ARHGAP24: variants seen among roughly 807,000 people sequenced by gnomAD.
ARHGAP24 encodes the protein Rho GTPase activating protein 24, also known as rho GTPase-activating protein 24.
Under a neutral mutation model 76.4 loss-of-function variants are expected in ARHGAP24, and 50 were observed. The observed-to-expected ratio is 0.65, with a 90% CI of 0.52 to 0.83. ARHGAP24 has a LOEUF of 0.83. ARHGAP24 is among the 40% of genes least tolerant of loss of function. The pLI, the probability that ARHGAP24 is intolerant of heterozygous loss-of-function variation, is 0.00. For missense variants in ARHGAP24, 930 were observed against 914.2 expected, an observed-to-expected ratio of 1.02 and a Z score of -0.22; for synonymous variants, 345 against 323.3, an observed-to-expected ratio of 1.07 and a Z score of -0.72.
At chr4:85,756,139 A>G (rs1578200642) in intron 3 of ARHGAP24, among the ~76,000 whole-genome samples, 1 of 152,214 alleles carries the variant, frequency 6.6e-6, no homozygotes, top group Admixed American at 6.5e-5. Context: ...CGTTGAGGAT[A>G]CATATCTTAC....
intron 3 of ARHGAP24, among the ~76,000 whole-genome samples, chr4:85,755,481 C>T (rs768010670): frequency 1.3e-5 from 2 of 152,062 alleles, no homozygotes; most frequent in South Asian, 4.1e-4. Flanking sequence ...GATTTCACAA[C>T]CCCAAATTCT....
chr4:85,885,742 G>A (rs1733530981), intron 3 of ARHGAP24, among the ~76,000 whole-genome samples: 1 of 152,004 alleles, frequency 6.6e-6, no homozygotes, highest in Non-Finnish European at 1.5e-5. Context: ...AAATGACATG[G>A]CAAACTAAAA....
In ARHGAP24 at chr4:85,603,009, C is replaced by T. The variant is rs1720082634; in HGVS notation, c.180+32288C>T. Among the ~76,000 whole-genome samples the T allele has an allele frequency of 2.0e-5, 3 of 151,898 alleles. No individual in the cohort carries two copies. In the South Asian group the frequency reaches 6.2e-4, roughly 32 times the overall value. Reference sequence around the variant, plus strand: ...ATCTTTCAAGCTAATAAAAATGCACCCTCAGTAACATGAGCAAAATGCTGC... The same window carrying T: ...ATCTTTCAAGCTAATAAAAATGCACTCTCAGTAACATGAGCAAAATGCTGC... On this transcript the variant is annotated intron_variant, in intron 2 of 9. Transcript: ENST00000395184.
chr4:85,593,460 A>T (rs960910114), intron 2 of ARHGAP24, among the ~76,000 whole-genome samples: 2 of 152,086 alleles, frequency 1.3e-5, no homozygotes, highest in African/African-American at 2.4e-5. Context: ...TTTCAACTTG[A>T]TGTGACCCCA....
At chr4:85,477,261 A>G (rs1160303736) in intron 1 of ARHGAP24, among the ~76,000 whole-genome samples, 4 of 152,194 alleles carry the variant, frequency 2.6e-5, no homozygotes, top group Non-Finnish European at 4.4e-5. Flanking sequence ...GCTTTCAACT[A>G]TATTACTTGG....
intron 3 of ARHGAP24, among the ~76,000 whole-genome samples, chr4:85,823,809 T>C (rs2110126639): frequency 6.6e-6 from 1 of 152,190 alleles, no homozygotes; most frequent in South Asian, 2.1e-4. Flanking sequence ...GTTCCTTCCT[T>C]CCTTCCTGCC....
chr4:85,761,495 G>A lies in ARHGAP24; in HGVS notation c.268+39523G>A, dbSNP rs569668687. On this transcript the variant is annotated intron_variant, in intron 3 of 9. Transcript: ENST00000395184. ...TATTGATTCCTCCAAGCTGGAAGTA[G>A]CGATCAAGAGAAGGGGAAAGATAAA... 1.2e-4 allele frequency among the ~76,000 whole-genome samples: 18 copies of A among 152,270 alleles called. No individual in the cohort carries two copies. In the South Asian group the frequency reaches 3.7e-3, roughly 32 times the overall value.
intron 2 of ARHGAP24, among the ~76,000 whole-genome samples, chr4:85,718,947 A>G (rs1724830763): frequency 6.6e-6 from 1 of 152,202 alleles, no homozygotes; most frequent in Admixed American, 6.5e-5. Flanking sequence ...TATATGGCAC[A>G]TGTACAATTC....
intron 9 of ARHGAP24, among the ~76,000 whole-genome samples, chr4:85,998,546 C>T (rs928452463): frequency 3.3e-5 from 5 of 152,064 alleles, no homozygotes; most frequent in Non-Finnish European, 7.4e-5. Flanking sequence ...CCCACCTTCT[C>T]AATTTTCTCT....
chr4:85,676,867 A>G (rs998307242), intron 2 of ARHGAP24, among the ~76,000 whole-genome samples: 66 of 152,200 alleles, frequency 4.3e-4, no homozygotes, highest in African/African-American at 1.2e-3. Flanking sequence ...ATGGTAAGGA[A>G]AGGATTCCCA....
chr4:85,964,273 G>A (rs140610336), intron 5 of ARHGAP24, among the ~76,000 whole-genome samples: 27 of 152,074 alleles, frequency 1.8e-4, no homozygotes, highest in African/African-American at 6.5e-4. Context: ...TTGTGTAAAT[G>A]GTGAGGCCAT....
intron 3 of ARHGAP24, among the ~76,000 whole-genome samples, chr4:85,845,573 C>A (rs1161848820): frequency 6.6e-6 from 1 of 152,140 alleles, no homozygotes; most frequent in East Asian, 1.9e-4. Context: ...TTTTTCCCTG[C>A]CTTTTATATT....
At chr4:85,495,702 T>C (rs56354932) in intron 1 of ARHGAP24, among the ~76,000 whole-genome samples, 2,745 of 152,100 alleles carry the variant, frequency 0.018, 74 homozygotes, top group African/African-American at 0.062. Flanking sequence ...TGAGGGGAGA[T>C]TGACTACTAG....
At chr4:85,551,253 A>G (rs1383153851) in intron 1 of ARHGAP24, among the ~76,000 whole-genome samples, 3 of 152,140 alleles carry the variant, frequency 2.0e-5, no homozygotes, top group Non-Finnish European at 2.9e-5. Context: ...GTTGAATTTT[A>G]TCAAAAGCCT....
intron 1 of ARHGAP24, among the ~76,000 whole-genome samples, chr4:85,499,321 A>C (rs2110098125): frequency 6.6e-6 from 1 of 152,348 alleles, no homozygotes; most frequent in Admixed American, 6.5e-5. Flanking sequence ...TTTTATAAAC[A>C]ATCTCTCTAT....
intron 2 of ARHGAP24, among the ~76,000 whole-genome samples, chr4:85,676,077 GATGGTAAGTTTTCATTGC>G (rs1195113221): frequency 6.6e-6 from 1 of 152,134 alleles, no homozygotes; most frequent in Non-Finnish European, 1.5e-5. Flanking sequence ...TGATAAAATT[GATGGTAAGTTTTCATTGC>G]ATAATTTGAT....
intron 8 of ARHGAP24, among the ~76,000 whole-genome samples, chr4:85,985,875 C>G (rs1184811291): frequency 1.3e-5 from 2 of 152,198 alleles, no homozygotes; most frequent in African/African-American, 2.4e-5. Flanking sequence ...CAGCATTAGC[C>G]TGATCTGAGT....
intron 2 of ARHGAP24, among the ~76,000 whole-genome samples, chr4:85,643,209 T>G (rs1721588888): frequency 7.7e-6 from 1 of 130,032 alleles, no homozygotes; most frequent in African/African-American, 2.6e-5. Context: ...GTTCTACTTT[T>G]CTTTTTTATT....
At chr4:85,729,335 A>G (rs1164279531) in intron 3 of ARHGAP24, among the ~76,000 whole-genome samples, 2 of 152,242 alleles carry the variant, frequency 1.3e-5, no homozygotes, top group East Asian at 1.9e-4. Flanking sequence ...TCTTAAAGAA[A>G]GTGTTTGAGA....
Sources: gnomAD v4.1 joint callset for allele counts (sites outside exome capture counted in the v4.1 genomes callset) on GRCh38, gnomAD v4.1.1 for gene constraint, MANE v1.5 for transcripts, NCBI Gene and HGNC (gene_info 2026-07-23, HGNC 2026-07-21) for gene names.